The following PRR16 variants were observed in gnomAD, a reference collection of about 807,000 sequenced individuals.
The protein encoded by PRR16 is proline rich 16, also known as protein Largen.
Under a neutral mutation model 18.2 loss-of-function variants are expected in PRR16, and 6 were observed. That is an observed-to-expected ratio of 0.33 (90% CI 0.18 to 0.65). The LOEUF (loss-of-function observed/expected upper bound fraction) is 0.65, where lower values mean the gene tolerates loss of function less well. Among genes scored for constraint, PRR16 ranks in the 30% least tolerant of loss-of-function variants. The pLI, the probability that PRR16 is intolerant of heterozygous loss-of-function variation, is 0.74. For synonymous variants in PRR16, 151 were observed against 147.8 expected, an observed-to-expected ratio of 1.02 and a Z score of -0.16; for missense variants, 412 against 376.6, an observed-to-expected ratio of 1.09 and a Z score of -0.78.
At chr5:120,695,236 G>A in the PRR16 span, among the ~76,000 whole-genome samples, 1 of 151,856 alleles carries the variant, frequency 6.6e-6, no homozygotes. Flanking sequence ...TATCTTATGT[G>A]ATATTGAAAA....
Position 120,577,526 on chromosome 5 carries a change from T to C in PRR16, c.160-108428T>C, listed in dbSNP as rs74604767. On this transcript the variant is annotated intron_variant, in intron 1 of 1. Transcript: ENST00000407149. Reference sequence around the variant, plus strand: ...TTTTGTAACATGGACACCTTCCTGATATTTTCAGGGAACACCATTTCACAA... The same window carrying C: ...TTTTGTAACATGGACACCTTCCTGACATTTTCAGGGAACACCATTTCACAA... Among the ~76,000 whole-genome samples, 1,351 of 152,192 alleles carry C rather than the reference T, an allele frequency of 8.9e-3. 18 individuals carry two copies. Among genetic ancestry groups the C allele is most frequent in the African/African-American group, 0.031 (1,276 of 41,516 alleles).
At chr5:120,788,987 A>T in the PRR16 span, among the ~76,000 whole-genome samples, 32 of 152,170 alleles carry the variant, frequency 2.1e-4, 2 homozygotes, top group Admixed American at 2.0e-3. Context: ...TAAATTATTT[A>T]CTGTGCTGCC....
rs192051001 is a variant in PRR16, at chr5:120,487,788, C to T, written c.159+23143C>T. On this transcript the variant is annotated intron_variant, in intron 1 of 1. Coordinates refer to ENST00000407149, the MANE Select transcript of PRR16 (RefSeq NM_001300783.2). Reference sequence around the variant, plus strand: ...AGTATGATATTGGCTGTGGGTTTGTCATAGATAGCTCTTATTATTTTGAGA... The same window carrying T: ...AGTATGATATTGGCTGTGGGTTTGTTATAGATAGCTCTTATTATTTTGAGA... 5.2e-3 allele frequency among the ~76,000 whole-genome samples: 794 copies of T among 152,278 alleles called. 11 individuals carry two copies. Among genetic ancestry groups the T allele is most frequent in the African/African-American group, 0.018 (755 of 41,558 alleles).
the PRR16 span, among the ~76,000 whole-genome samples, chr5:120,692,646 T>G: frequency 6.6e-6 from 1 of 152,192 alleles, no homozygotes; most frequent in Non-Finnish European, 1.5e-5. Flanking sequence ...GAGTAATTTT[T>G]TAGTGTTTGA....
intron 1 of PRR16, among the ~76,000 whole-genome samples, chr5:120,509,052 G>C (rs879845991): frequency 6.6e-6 from 1 of 152,080 alleles, no homozygotes; most frequent in Non-Finnish European, 1.5e-5. Context: ...CTGTAAAATA[G>C]GTTGTTTAGA....
At position 120,623,064 on chromosome 5, in the gene PRR16, C is replaced by G. The variant is rs368035964; in HGVS notation, c.160-62890C>G. Among the ~76,000 whole-genome samples, 365 of 151,890 alleles carry G rather than the reference C, an allele frequency of 2.4e-3. 16 individuals are homozygous for G. The South Asian group carries it at 0.072, about 30-fold the overall frequency. On this transcript the variant is annotated intron_variant, in intron 1 of 1. Coordinates refer to ENST00000407149, the MANE Select transcript of PRR16 (RefSeq NM_001300783.2). Reference sequence around the variant, plus strand: ...TATAAAGTAATGTATTGACTTCAGACGCATTTTATTATTTTCAACTATTTA... The same window carrying G: ...TATAAAGTAATGTATTGACTTCAGAGGCATTTTATTATTTTCAACTATTTA...
intron 1 of PRR16, among the ~76,000 whole-genome samples, chr5:120,628,398 G>C (rs140030675): frequency 6.6e-6 from 1 of 152,062 alleles, no homozygotes. Flanking sequence ...GCAGGCACTT[G>C]TTAGAGCTCT....
intron 1 of PRR16, among the ~76,000 whole-genome samples, chr5:120,538,896 C>G (rs1057502355): frequency 6.6e-6 from 1 of 152,158 alleles, no homozygotes; most frequent in Non-Finnish European, 1.5e-5. Flanking sequence ...TGGCTGCTGA[C>G]TAGCAATTGC....
At chr5:120,702,938 G>C in the PRR16 span, among the ~76,000 whole-genome samples, 2 of 152,194 alleles carry the variant, frequency 1.3e-5, no homozygotes, top group Non-Finnish European at 2.9e-5. Context: ...GAGGTCCCCC[G>C]ATCCGAGTCA....
chr5:120,574,829 A>G (rs1381776958), intron 1 of PRR16, among the ~76,000 whole-genome samples: 3 of 149,038 alleles, frequency 2.0e-5, no homozygotes, highest in African/African-American at 5.2e-5. Flanking sequence ...TACTTTGACA[A>G]CTGTTCGAGA....
chr5:120,529,315 G>A (rs758041309), intron 1 of PRR16, among the ~76,000 whole-genome samples: 19 of 152,086 alleles, frequency 1.2e-4, no homozygotes, highest in African/African-American at 2.4e-4. Flanking sequence ...AAATTGATGC[G>A]GAGGCACAGG....
intron 1 of PRR16, among the ~76,000 whole-genome samples, chr5:120,477,161 C>T (rs1051303435): frequency 6.6e-6 from 1 of 152,082 alleles, no homozygotes. Context: ...TTTTATTCAG[C>T]CTTGTGGATA....
the PRR16 span, among the ~76,000 whole-genome samples, chr5:120,693,834 A>T: frequency 6.6e-6 from 1 of 152,194 alleles, no homozygotes; most frequent in African/African-American, 2.4e-5. Flanking sequence ...TTCTTGTAGT[A>T]ACATTTATAG....
intron 1 of PRR16, among the ~76,000 whole-genome samples, chr5:120,581,453 T>C (rs1190197821): frequency 6.6e-6 from 1 of 152,134 alleles, no homozygotes; most frequent in African/African-American, 2.4e-5. Context: ...TTTTGTTAAT[T>C]TTTTTCAAAA....
At chr5:120,723,567 T>G in the PRR16 span, among the ~76,000 whole-genome samples, 56 of 152,140 alleles carry the variant, frequency 3.7e-4, 3 homozygotes, top group South Asian at 0.011. Flanking sequence ...TGCTGGTACT[T>G]GTATTTGACA....
At chr5:120,606,300 C>T (rs1754151826) in intron 1 of PRR16, among the ~76,000 whole-genome samples, 1 of 152,122 alleles carries the variant, frequency 6.6e-6, no homozygotes. Context: ...GCTGAGGAAA[C>T]AGAGCAGTAG....
At chr5:120,534,293 AC>A (rs532110416) in intron 1 of PRR16, among the ~76,000 whole-genome samples, 32 of 152,176 alleles carry the variant, frequency 2.1e-4, no homozygotes, top group Non-Finnish European at 3.4e-4. Flanking sequence ...GAGAATGAGT[AC>A]CTGCCCCACA....
chr5:120,519,597 C>A (rs1248039447), intron 1 of PRR16, among the ~76,000 whole-genome samples: 1 of 152,064 alleles, frequency 6.6e-6, no homozygotes, highest in East Asian at 1.9e-4. Context: ...TGTTAAAAGG[C>A]CAGTTTTCTT....
rs549330667 is a variant in PRR16 at position 120,464,805 on chromosome 5, AGTT to A, written c.159+168_159+170del. Among the ~76,000 whole-genome samples, 797 of 151,968 alleles carry A rather than the reference AGTT, an allele frequency of 5.2e-3. 8 individuals carry two copies. The highest frequency in any genetic ancestry group is 0.018 in the African/African-American group (741 of 41,426). On this transcript the variant is annotated intron_variant, in intron 1 of 1. Transcript: ENST00000407149. ...TCTTTGCTCCTGGAGTCCTGAGAGG[AGTT>A]GTTGTTGCACTTTTTAATTTTTTTT... is the stretch of plus-strand genomic sequence containing the variant.
Sources: gnomAD v4.1 joint callset for allele counts (sites outside exome capture counted in the v4.1 genomes callset) on GRCh38, gnomAD v4.1.1 for gene constraint, MANE v1.5 for transcripts, NCBI Gene and HGNC (gene_info 2026-07-23, HGNC 2026-07-21) for gene names.